The following SPOCK3 variants were observed in gnomAD, a reference collection of about 807,000 sequenced individuals.
The protein encoded by SPOCK3 is SPARC (osteonectin), cwcv and kazal like domains proteoglycan 3.
SPOCK3 carries 30 observed loss-of-function variants against 56.6 expected under a neutral mutation model. The ratio of observed to expected loss-of-function variants is 0.53; its 90% CI spans 0.40 to 0.72. The LOEUF (loss-of-function observed/expected upper bound fraction) is 0.72, where lower values mean the gene tolerates loss of function less well. SPOCK3 is among the 30% of genes least tolerant of loss of function. The pLI, the probability that SPOCK3 is intolerant of heterozygous loss-of-function variation, is 0.00. For synonymous variants in SPOCK3, 196 were observed against 183.3 expected (o/e 1.07, Z -0.56); for missense variants, 527 against 530.0 (o/e 0.99, Z 0.06).
At chr4:167,131,345 TG>T (rs1762680199) in intron 2 of SPOCK3, among the ~76,000 whole-genome samples, 1 of 152,110 alleles carries the variant, frequency 6.6e-6, no homozygotes, top group Non-Finnish European at 1.5e-5. Flanking sequence ...CCCAGCATTT[TG>T]GGAGGCTGAG....
rs146376811 is a variant in SPOCK3, at chr4:166,810,532, T to C, written c.590-18243A>G. The stretch of plus-strand genomic sequence containing the variant: ...AATTCCTTGAGCTTTTCATCATCAA[T>C]GGGTATTGAAATTTATTAAATAATT... On this transcript the variant is annotated intron_variant, in intron 6 of 10. Transcript: ENST00000357545. Among the ~76,000 whole-genome samples the C allele has an allele frequency of 3.4e-3, 520 of 152,148 alleles. 2 individuals carry two copies. The highest frequency in any genetic ancestry group is 0.012 in the African/African-American group (496 of 41,562).
chr4:166,894,691 C>G (rs1735174766), intron 5 of SPOCK3, among the ~76,000 whole-genome samples: 1 of 152,018 alleles, frequency 6.6e-6, no homozygotes, highest in Non-Finnish European at 1.5e-5. Flanking sequence ...AGTTGGTAAC[C>G]AGATTAACTG....
Position 167,007,707 on chromosome 4 carries a change from C to G in SPOCK3, c.236-7244G>C, listed in dbSNP as rs1561112650. On this transcript the variant is annotated intron_variant, in intron 3 of 10. Coordinates refer to ENST00000357545, the MANE Select transcript of SPOCK3 (RefSeq NM_001040159.2). ...TCTTCTGTGGCAAGAAAAGTATTGA[C>G]TAGGCTTTATAACTTTAAAATGAAA... 9.9e-5 allele frequency among the ~76,000 whole-genome samples: 15 copies of G among 152,280 alleles called. No homozygotes were observed. The South Asian group carries it at 2.9e-3, about 29-fold the overall frequency.
chr4:166,944,192 A>G (rs1255278736), intron 4 of SPOCK3, among the ~76,000 whole-genome samples: 1 of 152,190 alleles, frequency 6.6e-6, no homozygotes, highest in East Asian at 1.9e-4. Context: ...GAATTACAAA[A>G]AACATTCTTC....
intron 4 of SPOCK3, among the ~76,000 whole-genome samples, chr4:166,929,277 A>G (rs1232569821): frequency 1.3e-5 from 2 of 152,180 alleles, no homozygotes; most frequent in Non-Finnish European, 2.9e-5. Context: ...TGAGAATACT[A>G]GTTTAGGGGT....
chr4:167,069,773 G>C (rs1457441866), intron 2 of SPOCK3, among the ~76,000 whole-genome samples: 2 of 151,926 alleles, frequency 1.3e-5, no homozygotes, highest in Non-Finnish European at 2.9e-5. Flanking sequence ...GCTAAATGCT[G>C]GCTTTAGCCT....
At chr4:166,982,476 C>T (rs948530924) in intron 4 of SPOCK3, among the ~76,000 whole-genome samples, 2 of 152,090 alleles carry the variant, frequency 1.3e-5, no homozygotes, top group Admixed American at 6.6e-5. Flanking sequence ...GGCGTGAACT[C>T]GGGAGATGGA....
intron 6 of SPOCK3, among the ~76,000 whole-genome samples, chr4:166,875,037 T>C (rs1227312804): frequency 1.3e-5 from 2 of 152,082 alleles, no homozygotes; most frequent in African/African-American, 2.4e-5. Context: ...GAAAATTATC[T>C]CATAGAGGAG....
At chr4:167,097,535 C>T (rs1442211487) in intron 2 of SPOCK3, among the ~76,000 whole-genome samples, 3 of 151,758 alleles carry the variant, frequency 2.0e-5, no homozygotes, top group Admixed American at 1.3e-4. Flanking sequence ...TGCCACCTTA[C>T]AATTAATTTT....
chr4:167,205,413 T>C (rs1296690368), intron 2 of SPOCK3, among the ~76,000 whole-genome samples: 1 of 48,074 alleles, frequency 2.1e-5, no homozygotes, highest in Non-Finnish European at 3.5e-5. Flanking sequence ...ATATTATATA[T>C]TAAATATATA....
intron 4 of SPOCK3, among the ~76,000 whole-genome samples, chr4:166,981,484 C>T (rs1018137264): frequency 2.0e-5 from 3 of 151,864 alleles, no homozygotes; most frequent in Admixed American, 6.6e-5. Context: ...AGAGACTCTA[C>T]GTGGGTAGCT....
Position 166,982,205 on chromosome 4 carries a change from G to A in SPOCK3, c.350+18144C>T, listed in dbSNP as rs539542701. Among the ~76,000 whole-genome samples, 9 of 152,324 alleles carry A rather than the reference G, an allele frequency of 5.9e-5. No homozygotes were observed. The East Asian group carries it at 1.7e-3, about 29-fold the overall frequency. On this transcript the variant is annotated intron_variant, in intron 4 of 10. Transcript: ENST00000357545. ...CCATGCCTCCCCTGTTGCAGCCAGT[G>A]TCTTCACAGTGGCTGCCCCAGATGG...
chr4:167,030,085 C>CTATCTATCCATT (rs1554022258), intron 3 of SPOCK3, among the ~76,000 whole-genome samples: 4 of 87,280 alleles, frequency 4.6e-5, no homozygotes, highest in African/African-American at 6.8e-5. Flanking sequence ...ATGGCTCATT[C>CTATCTATCCATT]TATCTATCTA....
intron 2 of SPOCK3, among the ~76,000 whole-genome samples, chr4:167,176,260 C>T (rs1307092069): frequency 6.6e-6 from 1 of 152,086 alleles, no homozygotes; most frequent in Non-Finnish European, 1.5e-5. Context: ...ATCCCTTTTG[C>T]TATGTAAAGT....
At chr4:167,050,190 T>C (rs1034622616) in intron 3 of SPOCK3, among the ~76,000 whole-genome samples, 2 of 152,174 alleles carry the variant, frequency 1.3e-5, no homozygotes, top group African/African-American at 4.8e-5. Flanking sequence ...ATAGGTTAGT[T>C]AAAATTCTCT....
At chr4:167,110,563 A>G (rs1760814887) in intron 2 of SPOCK3, among the ~76,000 whole-genome samples, 1 of 152,056 alleles carries the variant, frequency 6.6e-6, no homozygotes, top group South Asian at 2.1e-4. Flanking sequence ...CCAAAGAACA[A>G]AAAGGTGATA....
At chr4:167,110,750 T>A (rs1413742819) in intron 2 of SPOCK3, among the ~76,000 whole-genome samples, 1 of 152,042 alleles carries the variant, frequency 6.6e-6, no homozygotes, top group African/African-American at 2.4e-5. Context: ...GAGCCCCAAA[T>A]TCCAGGAAAC....
chr4:166,908,526 G>GCACACACA (rs377518404), intron 5 of SPOCK3, among the ~76,000 whole-genome samples: 217 of 136,124 alleles, frequency 1.6e-3, no homozygotes, highest in African/African-American at 5.0e-3. Context: ...TCAAAACCAT[G>GCACACACA]CACACACACA....
chr4:167,062,340 G>T, intron 3 of SPOCK3, 152 bp downstream of exon 3: 1 of 500,160 alleles, frequency 2.0e-6, no homozygotes, highest in Non-Finnish European at 3.6e-6. Context: ...ATATTATGCT[G>T]AAATGTAAGT....
Sources: allele counts gnomAD v4.1 joint callset (sites outside exome capture counted in the v4.1 genomes callset), GRCh38; gene constraint gnomAD v4.1.1; transcripts MANE v1.5; gene names NCBI Gene and HGNC (gene_info 2026-07-23, HGNC 2026-07-21).